The following DOCK3 variants were observed in gnomAD, a reference collection of about 807,000 sequenced individuals.
DOCK3 encodes the protein dedicator of cytokinesis 3.
DOCK3 carries 60 observed loss-of-function variants against 265.6 expected under a neutral mutation model. The observed-to-expected ratio is 0.23, with a 90% CI of 0.18 to 0.28. The LOEUF (loss-of-function observed/expected upper bound fraction) is 0.28. Among genes scored for constraint, DOCK3 ranks in the 10% least tolerant of loss-of-function variants. The probability of loss-of-function intolerance (pLI) is 1.00; values close to 1 mark genes in which losing one functional copy is unlikely to be tolerated. For synonymous variants in DOCK3, 881 were observed against 938.0 expected (o/e 0.94, Z 1.11); for missense variants, 1,981 against 2,594.3 (o/e 0.76, Z 5.14).
chr3:50,779,391 A>AT (rs1019825013), intron 2 of DOCK3, among the ~76,000 whole-genome samples: 6 of 150,792 alleles, frequency 4.0e-5, no homozygotes, highest in East Asian at 1.9e-4. Flanking sequence ...TTGTTTATTT[A>AT]TTTTTTTTTG....
chr3:50,983,041 G>C (rs1455315594), intron 5 of DOCK3, among the ~76,000 whole-genome samples: 1 of 152,222 alleles, frequency 6.6e-6, no homozygotes, highest in Non-Finnish European at 1.5e-5. Flanking sequence ...TCTTGGAGCA[G>C]GGTTCGGGCC....
At chr3:51,227,254 T>G in intron 15 of DOCK3, 29 bp from the exon 16 acceptor site, 1 of 1,608,610 alleles carries the variant, frequency 6.2e-7, no homozygotes, top group Non-Finnish European at 8.5e-7. Context: ...ACCAGGAAGA[T>G]GACATCTTAT....
rs867836427 is a variant in DOCK3 at position 50,893,925 on chromosome 3, A to C, written c.218+3844A>C. Among the ~76,000 whole-genome samples the C allele has an allele frequency of 8.4e-5, 12 of 142,960 alleles. No homozygotes were observed. In the South Asian group the frequency reaches 1.4e-3, roughly 16 times the overall value. 93.8% of individuals were successfully genotyped at this position (142,960 alleles called of 152,430 possible). ...ATTCATAGGTGGGAACTGAATAATG[A>C]GAACATTGGGACACAGGAAGGGGAA... On this transcript the variant is annotated intron_variant, in intron 4 of 52. Transcript: ENST00000266037.
At chr3:51,077,981 A>G (rs562863730) in intron 7 of DOCK3, among the ~76,000 whole-genome samples, 3 of 151,136 alleles carry the variant, frequency 2.0e-5, no homozygotes, top group African/African-American at 7.3e-5. Context: ...AATGTTCACT[A>G]TTTGGGCGAT....
At chr3:51,136,954 A>G (rs1460154433) in intron 9 of DOCK3, among the ~76,000 whole-genome samples, 1 of 152,012 alleles carries the variant, frequency 6.6e-6, no homozygotes, top group Non-Finnish European at 1.5e-5. Flanking sequence ...AAGAAGAGAA[A>G]AGCTGACACT....
chr3:51,314,918 T>G, intron 31 of DOCK3, 62 bp from the exon 32 acceptor site: 3 of 1,509,188 alleles, frequency 2.0e-6, no homozygotes, highest in East Asian at 2.4e-5. Flanking sequence ...TGTGGCCCCA[T>G]TTGGGAATCT....
Position 50,930,500 on chromosome 3 carries a change from C to T in DOCK3, c.219-3481C>T, listed in dbSNP as rs111510297. Among the ~76,000 whole-genome samples the T allele has an allele frequency of 2.8e-3, 426 of 152,318 alleles. 3 individuals are homozygous for T. Among genetic ancestry groups the T allele is most frequent in the African/African-American group, 9.8e-3 (408 of 41,586 alleles). On this transcript the variant is annotated intron_variant, in intron 4 of 52. Transcript: ENST00000266037. The stretch of plus-strand genomic sequence containing the variant: ...GGGGCTGCTACCTGCTCCTGGCCCC[C>T]TGGAGCATGCAGCCCCGCTGCACTC...
chr3:51,314,655 G>T (rs2083269397), intron 31 of DOCK3, among the ~76,000 whole-genome samples: 1 of 152,170 alleles, frequency 6.6e-6, no homozygotes, highest in Non-Finnish European at 1.5e-5. Context: ...GACACTCATA[G>T]GTTACTCAGA....
intron 12 of DOCK3, among the ~76,000 whole-genome samples, chr3:51,186,003 G>C (rs184703285): frequency 6.6e-6 from 1 of 152,144 alleles, no homozygotes; most frequent in African/African-American, 2.4e-5. Flanking sequence ...CAGTAGAGTC[G>C]GGCACTGCTG....
intron 1 of DOCK3, among the ~76,000 whole-genome samples, chr3:50,677,615 T>G (rs1307112225): frequency 6.6e-6 from 1 of 152,150 alleles, no homozygotes; most frequent in South Asian, 2.1e-4. Context: ...CCCCTTACAC[T>G]TACTTCCTAC....
intron 12 of DOCK3, among the ~76,000 whole-genome samples, chr3:51,203,269 C>G (rs1446347277): frequency 6.6e-6 from 1 of 152,008 alleles, no homozygotes; most frequent in Admixed American, 6.6e-5. Context: ...CTAGAAAACC[C>G]CATTGTCTCA....
At chr3:51,230,945 T>G (rs1451288089) in intron 19 of DOCK3, among the ~76,000 whole-genome samples, 1 of 152,044 alleles carries the variant, frequency 6.6e-6, no homozygotes, top group Non-Finnish European at 1.5e-5. Flanking sequence ...ATGATTTTTT[T>G]TTTTCTTTTG....
chr3:51,058,786 G>A (rs899737910), intron 5 of DOCK3, among the ~76,000 whole-genome samples: 2 of 151,242 alleles, frequency 1.3e-5, no homozygotes, highest in Non-Finnish European at 2.9e-5. Context: ...TGGGAGAAGG[G>A]ATGAAAGAAC....
intron 4 of DOCK3, among the ~76,000 whole-genome samples, chr3:50,916,865 A>AT (rs2050157268): frequency 6.7e-6 from 1 of 149,940 alleles, no homozygotes. Flanking sequence ...AAAAAAAAAA[A>AT]GTAGTTGTCT....
intron 5 of DOCK3, among the ~76,000 whole-genome samples, chr3:50,973,109 TC>T (rs1322630708): frequency 7.9e-6 from 1 of 126,970 alleles, no homozygotes; most frequent in African/African-American, 2.8e-5. Context: ...GACTTAAATT[TC>T]TTTTTTTTTT....
intron 1 of DOCK3, among the ~76,000 whole-genome samples, chr3:50,695,563 G>A (rs1418035684): frequency 6.6e-6 from 1 of 152,198 alleles, no homozygotes; most frequent in Non-Finnish European, 1.5e-5. Flanking sequence ...ACCTAGTCCA[G>A]TTTCTGTCAT....
chr3:51,331,647 T>G (rs2084527580), intron 33 of DOCK3, among the ~76,000 whole-genome samples: 2 of 152,078 alleles, frequency 1.3e-5, no homozygotes, highest in Non-Finnish European at 2.9e-5. Context: ...GTAGGACTTC[T>G]CAAAGCCTTT....
intron 12 of DOCK3, among the ~76,000 whole-genome samples, chr3:51,196,178 C>G (rs527912433): frequency 3.3e-5 from 5 of 151,296 alleles, no homozygotes; most frequent in African/African-American, 1.2e-4. Context: ...TCAAGTAGGC[C>G]TCCTGCCTCA....
At chr3:51,308,621 T>C (rs556691741) in intron 27 of DOCK3, among the ~76,000 whole-genome samples, 2 of 152,232 alleles carry the variant, frequency 1.3e-5, no homozygotes, top group Admixed American at 6.5e-5. Flanking sequence ...TCTACTTCTT[T>C]CTACACAGAC....
Sources: allele counts gnomAD v4.1 joint callset (sites outside exome capture counted in the v4.1 genomes callset), GRCh38; gene constraint gnomAD v4.1.1; transcripts MANE v1.5; gene names NCBI Gene and HGNC (gene_info 2026-07-23, HGNC 2026-07-21).